RFX2: variants seen among roughly 807,000 people sequenced by gnomAD.
The protein encoded by RFX2 is regulatory factor X2, also known as DNA-binding protein RFX2.
Under a neutral mutation model 87.8 loss-of-function variants are expected in RFX2, and 20 were observed. The observed-to-expected ratio is 0.23, with a 90% CI of 0.16 to 0.33. RFX2 has a LOEUF of 0.33. Ranked by LOEUF, RFX2 falls within the 10% of genes least tolerant of loss-of-function variation. The pLI, the probability that RFX2 is intolerant of heterozygous loss-of-function variation, is 1.00. For synonymous variants in RFX2, 397 were observed against 431.3 expected (o/e 0.92, Z 0.98); for missense variants, 767 against 1,012.3 (o/e 0.76, Z 3.29).
At chr19:6,069,037 G>A (rs2087556473) in intron 1 of RFX2, among the ~76,000 whole-genome samples, 1 of 152,166 alleles carries the variant, frequency 6.6e-6, no homozygotes. Flanking sequence ...AAGGTTTTTG[G>A]CAACTAAAAG....
At position 6,007,773 on chromosome 19, in the gene RFX2, C is replaced by G; in HGVS notation, c.1164G>C (p.Gln388His). The change falls in exon 11 of 18, where the codon CAG (glutamine) becomes CAC (histidine). Residue 388 changes from glutamine to histidine, a missense_variant. Gln to His is a conservative substitution (Grantham distance 24). Transcript: ENST00000303657. This position sits in a 1 kb window ranked among gnomAD's most constrained non-coding sequence, Gnocchi z 8.2. ...EATVDVVMNL[Q>H]FHYIEKLWLS... Reference sequence around the variant, plus strand: ...GCCACAGCTTCTCGATGTAGTGGAACTGGAGGTTCATCACCACATCTACAG... The same window carrying G: ...GCCACAGCTTCTCGATGTAGTGGAAGTGGAGGTTCATCACCACATCTACAG... 1.3e-6 allele frequency: 2 copies of G among 1,554,448 alleles called. No homozygotes were observed. The highest frequency in any genetic ancestry group is 1.7e-6 in the Non-Finnish European group (2 of 1,147,998).
At chr19:6,103,007 T>C (rs2088151356) in intron 1 of RFX2, among the ~76,000 whole-genome samples, 1 of 152,136 alleles carries the variant, frequency 6.6e-6, no homozygotes. Flanking sequence ...CTCAGACATA[T>C]ACACAAACAC....
chr19:6,076,138 G>A (rs112024433), intron 1 of RFX2, among the ~76,000 whole-genome samples: 2,407 of 152,256 alleles, frequency 0.016, 29 homozygotes, highest in Middle Eastern at 0.082. Flanking sequence ...TCATGAGTTC[G>A]AGAGCAGCCT....
intron 5 of RFX2, among the ~76,000 whole-genome samples, chr19:6,029,199 C>T (rs73555671): frequency 0.017 from 2,617 of 151,234 alleles, 90 homozygotes; most frequent in African/African-American, 0.061. Flanking sequence ...CAATATTCAG[C>T]GTCACCATGT....
intron 6 of RFX2, among the ~76,000 whole-genome samples, chr19:6,019,411 T>C (rs2086775334): frequency 6.6e-6 from 1 of 151,752 alleles, no homozygotes; most frequent in Non-Finnish European, 1.5e-5. Flanking sequence ...TCTGGCAGAG[T>C]GCTTGGACCC....
chr19:6,007,819 C>A lies in RFX2; in HGVS notation c.1135-17G>T. The A allele has an allele frequency of 6.7e-7, 1 of 1,497,050 alleles. No individual in the cohort carries two copies. The highest frequency in any genetic ancestry group is 9.1e-7 in the Non-Finnish European group (1 of 1,097,048). The allele number at this position is 1,497,050 out of a possible 1,614,324, so 92.7% of individuals were successfully genotyped here. A position where few individuals can be genotyped will look rare whatever the true frequency, so the allele number is the denominator to read the frequency against. On this transcript the variant is annotated splice_polypyrimidine_tract_variant and intron_variant, in intron 10 of 17. Transcript: ENST00000303657. This position sits in a 1 kb window ranked among gnomAD's most constrained non-coding sequence, Gnocchi z 8.2. ...TACAGTTGCCTAGGAATGAAGGGAC[C>A]GGTGAGACAGACGGGTGCGTGCGCC...
Position 6,001,892 on chromosome 19 carries a change from C to G in RFX2, c.1782G>C (p.Gln594His), listed in dbSNP as rs776529890. 1.2e-6 allele frequency: 2 copies of G among 1,613,242 alleles called. No homozygotes were observed. The highest frequency in any genetic ancestry group is 2.7e-5 in the African/African-American group (2 of 74,940). ...GGCTGCCGGCATGCTGCTTCAGGACCTGGGTGACCACACTGTCCAGCCAGC... is the reference window on the plus strand; with the variant it reads ...GGCTGCCGGCATGCTGCTTCAGGACGTGGGTGACCACACTGTCCAGCCAGC... ...WASWLDSVVT[Q>H]VLKQHAGSPS... The change falls in exon 15 of 18, where the codon CAG becomes CAC. Residue 594 changes from glutamine to histidine, a missense_variant. By Grantham distance (24) the Gln-to-His change is conservative (BLOSUM62 0). Coordinates refer to ENST00000303657, the MANE Select transcript of RFX2 (RefSeq NM_000635.4). The surrounding 1 kb of genome is among the most constrained non-coding windows in gnomAD (Gnocchi z 5.6).
At chr19:6,053,713 GGGA>G (rs1195144991) in intron 1 of RFX2, among the ~76,000 whole-genome samples, 1 of 152,128 alleles carries the variant, frequency 6.6e-6, no homozygotes, top group East Asian at 1.9e-4. Context: ...CCAGCACTTT[GGGA>G]GGCCGAGGGC....
At chr19:6,079,781 G>A (rs896425641) in intron 1 of RFX2, among the ~76,000 whole-genome samples, 2 of 151,818 alleles carry the variant, frequency 1.3e-5, no homozygotes, top group African/African-American at 2.4e-5. Context: ...AGCTACTTGG[G>A]AGGCCGATGC....
rs761787307 is a variant in RFX2 at position 6,027,743 on chromosome 19, C to A, written c.523-1506G>T. ...AAAATTTTGAGATTTCACCACCCAC[C>A]CCTGAAAAAGAGCTTTATTTACTTA... On this transcript the variant is annotated intron_variant, in intron 5 of 17. Transcript: ENST00000303657. The surrounding 1 kb of genome is among the most constrained non-coding windows in gnomAD (Gnocchi z 5.0). Among the ~76,000 whole-genome samples the A allele has an allele frequency of 2.0e-4, 30 of 152,158 alleles. No homozygotes were observed. The highest frequency in any genetic ancestry group is 1.1e-3 in the Admixed American group (17 of 15,276).
rs963019522 is a variant in RFX2, at chr19:6,101,451, G to C, written c.-9+8942C>G. ...AGCCCGCATACATTTTTGTGGGCTG[G>C]TAATTTTTTTGGAAACTGCTTCTAA... On this transcript the variant is annotated intron_variant, in intron 1 of 17. Coordinates refer to ENST00000303657, the MANE Select transcript of RFX2 (RefSeq NM_000635.4). This position sits in a 1 kb window ranked among gnomAD's most constrained non-coding sequence, Gnocchi z 4.9. Among the ~76,000 whole-genome samples the C allele has an allele frequency of 2.6e-5, 4 of 152,296 alleles. No individual in the cohort carries two copies. Among genetic ancestry groups the C allele is most frequent in the African/African-American group, 9.6e-5 (4 of 41,564 alleles).
intron 1 of RFX2, among the ~76,000 whole-genome samples, chr19:6,067,755 T>C (rs1394200148): frequency 6.6e-6 from 1 of 152,132 alleles, no homozygotes; most frequent in Non-Finnish European, 1.5e-5. Context: ...TCTTAAAACA[T>C]TTTGATAGAA....
At chr19:6,068,846 G>T (rs536786729) in intron 1 of RFX2, among the ~76,000 whole-genome samples, 1 of 152,270 alleles carries the variant, frequency 6.6e-6, no homozygotes, top group African/African-American at 2.4e-5. Context: ...TGGCTGCTGG[G>T]TTGAGAATAG....
intron 13 of RFX2, among the ~76,000 whole-genome samples, chr19:6,003,777 T>TGA (rs1318446976): frequency 0.012 from 390 of 32,854 alleles, 7 homozygotes; most frequent in Middle Eastern, 0.026. Flanking sequence ...AGACTCTGTC[T>TGA]CAAAAAAAAA....
intron 1 of RFX2, among the ~76,000 whole-genome samples, chr19:6,055,152 T>C (rs181636139): frequency 1.7e-4 from 26 of 152,302 alleles, no homozygotes; most frequent in African/African-American, 6.3e-4. Flanking sequence ...TATATCAAGA[T>C]ATCACTAAAT....
At chr19:6,034,299 G>A (rs2086992223) in intron 5 of RFX2, among the ~76,000 whole-genome samples, 1 of 151,078 alleles carries the variant, frequency 6.6e-6, no homozygotes, top group Non-Finnish European at 1.5e-5. Flanking sequence ...CACAATCTTG[G>A]CTCACTGCAA....
chr19:6,011,354 C>T lies in RFX2; in HGVS notation c.900-1103G>A, dbSNP rs575078763. On this transcript the variant is annotated intron_variant, in intron 8 of 17. Coordinates refer to ENST00000303657, the MANE Select transcript of RFX2 (RefSeq NM_000635.4). The surrounding 1 kb of genome is among the most constrained non-coding windows in gnomAD (Gnocchi z 4.8). The stretch of plus-strand genomic sequence containing the variant: ...GGTGTGGTGGGGGCAGGGAGGGAGC[C>T]GGCTTGAGCTGGAGCATCTCCAGCG... Among the ~76,000 whole-genome samples, 5 of 152,152 alleles carry T rather than the reference C, an allele frequency of 3.3e-5. No homozygotes were observed. The South Asian group carries it at 8.3e-4, about 25-fold the overall frequency.
Position 6,010,060 on chromosome 19 carries a change from G to A in RFX2, c.1015+76C>T, listed in dbSNP as rs2144694225. 1.2e-6 allele frequency: 1 copy of A among 857,930 alleles called. No homozygotes were observed. Among genetic ancestry groups the A allele is most frequent in the Non-Finnish European group, 1.8e-6 (1 of 542,442 alleles). 53.1% of individuals were successfully genotyped at this position (857,930 alleles called of 1,614,324 possible). The stretch of plus-strand genomic sequence containing the variant: ...GGAAGCAGACGCTTAGACACCACTG[G>A]TTCTGCTGGTGTTGAAACCCAGGAG... On this transcript the variant is annotated intron_variant, in intron 9 of 17. Coordinates refer to ENST00000303657, the MANE Select transcript of RFX2 (RefSeq NM_000635.4). The surrounding 1 kb of genome is among the most constrained non-coding windows in gnomAD (Gnocchi z 5.0).
At chr19:6,089,034 A>T (rs1189739316) in intron 1 of RFX2, among the ~76,000 whole-genome samples, 1 of 152,214 alleles carries the variant, frequency 6.6e-6, no homozygotes, top group Non-Finnish European at 1.5e-5. Context: ...TGATTTTTCC[A>T]ACTACTTAAA....
Sources: gnomAD v4.1 joint callset for allele counts (sites outside exome capture counted in the v4.1 genomes callset) on GRCh38, gnomAD v4.1.1 for gene constraint, Gnocchi (gnomAD v3.1) non-coding constraint, MANE v1.5 for transcripts, NCBI Gene and HGNC (gene_info 2026-07-23, HGNC 2026-07-21) for gene names.